The following BICC1 variants were observed in gnomAD, a reference collection of about 807,000 sequenced individuals.
BICC1 encodes BicC family RNA binding protein 1.
Under a neutral mutation model 111.0 loss-of-function variants are expected in BICC1, and 43 were observed. The observed-to-expected ratio is 0.39, with a 90% CI of 0.30 to 0.50. BICC1 has a LOEUF of 0.50. Among genes scored for constraint, BICC1 ranks in the 20% least tolerant of loss-of-function variants. The pLI is 0.88. For synonymous variants in BICC1, 467 were observed against 434.4 expected, an observed-to-expected ratio of 1.07 and a Z score of -0.93; for missense variants, 1,091 against 1,203.2, an observed-to-expected ratio of 0.91 and a Z score of 1.38.
intron 2 of BICC1, chr10:58,648,753 C>A: frequency 1.5e-6 from 1 of 671,608 alleles, no homozygotes; most frequent in Non-Finnish European, 1.8e-6. Context: ...TTATCTTAAT[C>A]ATGATGACTC....
rs188697199 is a variant in BICC1 at position 58,664,726 on chromosome 10, A to G, written c.238-37348A>G. Among the ~76,000 whole-genome samples the G allele has an allele frequency of 9.7e-4, 147 of 151,254 alleles. 1 individual carries two copies. Among genetic ancestry groups the G allele is most frequent in the African/African-American group, 3.4e-3 (141 of 41,214 alleles). ...TTTCCCTCCACTTTTGTGTCTTGTAATTTTTTATTGAATATTGGTATTGTG... is the reference window on the plus strand; with the variant it reads ...TTTCCCTCCACTTTTGTGTCTTGTAGTTTTTTATTGAATATTGGTATTGTG... On this transcript the variant is annotated intron_variant, in intron 2 of 20. Transcript: ENST00000373886.
At chr10:58,554,336 C>G (rs577477522) in intron 1 of BICC1, among the ~76,000 whole-genome samples, 8 of 152,236 alleles carry the variant, frequency 5.3e-5, no homozygotes, top group African/African-American at 1.9e-4. Flanking sequence ...AACTTTAAAT[C>G]CGGTCTTCTT....
chr10:58,587,128 C>T (rs1009733150), intron 1 of BICC1, among the ~76,000 whole-genome samples: 6 of 152,136 alleles, frequency 3.9e-5, no homozygotes, highest in Non-Finnish European at 7.4e-5. Flanking sequence ...GTGCCTCATG[C>T]ATATTTAGTG....
chr10:58,645,769 G>T (rs1017940534), intron 2 of BICC1, among the ~76,000 whole-genome samples: 2 of 152,208 alleles, frequency 1.3e-5, no homozygotes, highest in African/African-American at 4.8e-5. Flanking sequence ...CCAAGATTGT[G>T]GGCAGATCAT....
chr10:58,584,947 A>G (rs1844389273), intron 1 of BICC1, among the ~76,000 whole-genome samples: 1 of 152,240 alleles, frequency 6.6e-6, no homozygotes, highest in Non-Finnish European at 1.5e-5. Context: ...TTACTTCATT[A>G]ATAAAAATTT....
At chr10:58,735,223 A>G (rs1227027392) in intron 3 of BICC1, among the ~76,000 whole-genome samples, 3 of 152,182 alleles carry the variant, frequency 2.0e-5, no homozygotes, top group Admixed American at 6.5e-5. Flanking sequence ...GGTGACTGCA[A>G]CGGGGTATTA....
intron 3 of BICC1, among the ~76,000 whole-genome samples, chr10:58,753,912 T>C (rs977948290): frequency 6.6e-6 from 1 of 152,170 alleles, no homozygotes; most frequent in East Asian, 1.9e-4. Flanking sequence ...ACTTTTCTTC[T>C]CTTTTTCTTC....
intron 1 of BICC1, among the ~76,000 whole-genome samples, chr10:58,554,483 C>T (rs1032863124): frequency 3.9e-5 from 6 of 152,126 alleles, no homozygotes; most frequent in South Asian, 2.1e-4. Context: ...CCATTATAAA[C>T]GCCTTAGGCA....
chr10:58,656,701 T>C lies in BICC1; in HGVS notation c.237+35800T>C, dbSNP rs189851566. ...CCCAGCTTGACCTCAGTAAAAAATA[T>C]CATCCTTTAATCATAGAGGCTCTAA... On this transcript the variant is annotated intron_variant, in intron 2 of 20. Coordinates refer to ENST00000373886, the MANE Select transcript of BICC1 (RefSeq NM_001080512.3). Among the ~76,000 whole-genome samples, 42 of 152,290 alleles carry C rather than the reference T, an allele frequency of 2.8e-4. No homozygotes were observed. The East Asian group carries it at 7.7e-3, about 28-fold the overall frequency.
chr10:58,638,464 C>T (rs1484490392), intron 2 of BICC1, among the ~76,000 whole-genome samples: 1 of 152,194 alleles, frequency 6.6e-6, no homozygotes, highest in Non-Finnish European at 1.5e-5. Flanking sequence ...TGACTCTTGC[C>T]TTCTTTGCTT....
intron 3 of BICC1, 148 bp downstream of exon 3, chr10:58,702,291 A>T (rs895740128): frequency 1.8e-6 from 1 of 564,286 alleles, no homozygotes; most frequent in South Asian, 2.7e-5. Flanking sequence ...GAGGATTTTC[A>T]TAATTAAAAA....
At chr10:58,710,729 A>G (rs534086818) in intron 3 of BICC1, among the ~76,000 whole-genome samples, 11 of 152,308 alleles carry the variant, frequency 7.2e-5, no homozygotes, top group African/African-American at 2.4e-4. Context: ...TTTCTTTTAC[A>G]TGTATATGTG....
At chr10:58,664,496 T>C (rs570409374) in intron 2 of BICC1, among the ~76,000 whole-genome samples, 2 of 152,326 alleles carry the variant, frequency 1.3e-5, no homozygotes, top group South Asian at 4.1e-4. Flanking sequence ...ATTTCAGACA[T>C]TTTTCATTGG....
At chr10:58,693,496 A>G (rs1041251555) in intron 2 of BICC1, among the ~76,000 whole-genome samples, 9 of 152,088 alleles carry the variant, frequency 5.9e-5, no homozygotes, top group Non-Finnish European at 8.8e-5. Context: ...AAGTGTTCCT[A>G]TTTCTCCACA....
intron 3 of BICC1, among the ~76,000 whole-genome samples, chr10:58,760,524 G>A (rs1328917213): frequency 6.6e-6 from 1 of 152,054 alleles, no homozygotes; most frequent in Non-Finnish European, 1.5e-5. Flanking sequence ...AATGTTTTTT[G>A]TAATCTACTG....
At chr10:58,610,103 A>C (rs774938028) in intron 1 of BICC1, among the ~76,000 whole-genome samples, 9 of 152,298 alleles carry the variant, frequency 5.9e-5, no homozygotes, top group Non-Finnish European at 1.2e-4. Context: ...GTTCGAATAA[A>C]CCCTTAGCAA....
intron 1 of BICC1, among the ~76,000 whole-genome samples, chr10:58,558,820 G>T (rs556202118): frequency 6.6e-6 from 1 of 152,136 alleles, no homozygotes; most frequent in African/African-American, 2.4e-5. Flanking sequence ...CCTCATAGAT[G>T]ATGCCTTCTA....
intron 3 of BICC1, among the ~76,000 whole-genome samples, chr10:58,717,423 T>G (rs1354841755): frequency 6.6e-6 from 1 of 152,120 alleles, no homozygotes; most frequent in Non-Finnish European, 1.5e-5. Flanking sequence ...GTGGCAAGCC[T>G]GGTATGCTGT....
intron 3 of BICC1, among the ~76,000 whole-genome samples, chr10:58,775,238 G>A (rs1056154574): frequency 4.6e-5 from 7 of 152,042 alleles, no homozygotes; most frequent in African/African-American, 1.4e-4. Context: ...GCTGGGCATG[G>A]TGGCGTGCAC....
Sources: allele counts gnomAD v4.1 joint callset (sites outside exome capture counted in the v4.1 genomes callset), GRCh38; gene constraint gnomAD v4.1.1; transcripts MANE v1.5; gene names NCBI Gene and HGNC (gene_info 2026-07-23, HGNC 2026-07-21).